OPHN1: variants seen among roughly 807,000 people sequenced by gnomAD.
The protein encoded by OPHN1 is oligophrenin-1.
In OPHN1, 11 loss-of-function variants were observed where a neutral mutation model predicts 60.7. That is an observed-to-expected ratio of 0.18 (90% CI 0.11 to 0.30). OPHN1 has a LOEUF of 0.30. OPHN1 is among the 10% of genes least tolerant of loss of function. The pLI is 1.00. For missense variants in OPHN1, 449 were observed against 611.0 expected, an observed-to-expected ratio of 0.73 and a Z score of 2.80; for synonymous variants, 226 against 222.6, an observed-to-expected ratio of 1.02 and a Z score of -0.14.
At chrX:68,401,352 T>C (rs1329125851) in intron 2 of OPHN1, among the ~76,000 whole-genome samples, 2 of 111,903 alleles carry the variant, frequency 1.8e-5, no homozygotes, top group Non-Finnish European at 3.8e-5. Context: ...GTGGTGGCAT[T>C]TGGCCCGCTC....
intron 21 of OPHN1, among the ~76,000 whole-genome samples, chrX:68,059,354 A>T (rs1253419771): frequency 9.0e-6 from 1 of 110,658 alleles, no homozygotes; most frequent in Non-Finnish European, 1.9e-5. Context: ...TCTATACCCA[A>T]CCTGAAGGCA....
chrX:68,206,467 C>T (rs1468977793), intron 10 of OPHN1, 106 bp downstream of exon 10: 17 of 618,043 alleles, frequency 2.8e-5, no homozygotes, highest in Admixed American at 1.3e-4. Context: ...CATGGCCTCA[C>T]GTAACAGTGA....
At chrX:68,120,167 C>A (rs2077144752) in intron 15 of OPHN1, among the ~76,000 whole-genome samples, 2 of 111,067 alleles carry the variant, frequency 1.8e-5, no homozygotes, top group South Asian at 7.6e-4. Flanking sequence ...AAGACCTCCC[C>A]ACCCATGACA....
At chrX:68,178,695 C>T (rs892344984) in intron 15 of OPHN1, among the ~76,000 whole-genome samples, 9 of 112,117 alleles carry the variant, frequency 8.0e-5, no homozygotes, top group Non-Finnish European at 1.3e-4. Flanking sequence ...TGAGCCACTG[C>T]GCCCAGCCCA....
At chrX:68,301,909 AGATT>A (rs1377414016) in intron 2 of OPHN1, among the ~76,000 whole-genome samples, 1 of 112,558 alleles carries the variant, frequency 8.9e-6, no homozygotes, top group Non-Finnish European at 1.9e-5. Flanking sequence ...AATATGAACA[AGATT>A]GATTAATTAG....
chrX:68,179,686 G>T (rs2077428725), intron 15 of OPHN1, among the ~76,000 whole-genome samples: 2 of 111,824 alleles, frequency 1.8e-5, no homozygotes, highest in African/African-American at 6.5e-5. Context: ...TCCATCCACT[G>T]CTTCCCACTG....
chrX:68,201,949 C>A (rs1273197386), intron 10 of OPHN1, among the ~76,000 whole-genome samples: 2 of 111,942 alleles, frequency 1.8e-5, no homozygotes, highest in Non-Finnish European at 3.8e-5. Flanking sequence ...AGTCATCCAG[C>A]ACTCTTTCCC....
chrX:68,188,556 T>C (rs1217907423), intron 15 of OPHN1, among the ~76,000 whole-genome samples: 2 of 112,118 alleles, frequency 1.8e-5, no homozygotes, highest in African/African-American at 6.5e-5. Flanking sequence ...ATAAAGTATC[T>C]TGATATGTAT....
chrX:68,285,913 G>C (rs774996284), intron 3 of OPHN1, among the ~76,000 whole-genome samples: 3 of 110,496 alleles, frequency 2.7e-5, no homozygotes, highest in African/African-American at 9.9e-5. Flanking sequence ...TATTTTGTGA[G>C]ACACTGTTCT....
chrX:68,072,402 T>C (rs2076938243), intron 20 of OPHN1, among the ~76,000 whole-genome samples: 1 of 111,600 alleles, frequency 9.0e-6, no homozygotes, highest in Admixed American at 9.5e-5. Context: ...CCTTCTAACA[T>C]GTAAAGTTGG....
intron 2 of OPHN1, among the ~76,000 whole-genome samples, chrX:68,384,100 C>T (rs2078612195): frequency 9.0e-6 from 1 of 111,727 alleles, no homozygotes; most frequent in African/African-American, 3.2e-5. Flanking sequence ...ATAAGCATTA[C>T]ATTGCATTTC....
At chrX:68,429,592 C>T (rs181495556) in intron 2 of OPHN1, among the ~76,000 whole-genome samples, 61 of 110,601 alleles carry the variant, frequency 5.5e-4, no homozygotes, top group African/African-American at 1.8e-3. Flanking sequence ...GGCATAGTGG[C>T]GTGTACTTGG....
At chrX:68,262,325 C>G (rs2147567719) in intron 5 of OPHN1, among the ~76,000 whole-genome samples, 1 of 111,995 alleles carries the variant, frequency 8.9e-6, no homozygotes, top group East Asian at 2.8e-4. Flanking sequence ...TTTGTGGACT[C>G]TGTATTACTA....
At chrX:68,428,329 T>C (rs2078869646) in intron 2 of OPHN1, among the ~76,000 whole-genome samples, 1 of 112,161 alleles carries the variant, frequency 8.9e-6, no homozygotes, top group Non-Finnish European at 1.9e-5. Context: ...CAAGTGATAG[T>C]GTTATTAATT....
At chrX:68,287,918 G>A (rs1036020015) in intron 3 of OPHN1, among the ~76,000 whole-genome samples, 3 of 111,866 alleles carry the variant, frequency 2.7e-5, no homozygotes, top group South Asian at 3.7e-4. Context: ...TATTCCCACC[G>A]TGGTAACCTG....
At chrX:68,353,416 A>G (rs1465517188) in intron 2 of OPHN1, among the ~76,000 whole-genome samples, 1 of 103,235 alleles carries the variant, frequency 9.7e-6, no homozygotes, top group South Asian at 4.5e-4. Flanking sequence ...AGGAAAAAAA[A>G]AAAAAAAAAA....
At chrX:68,342,673 G>A (rs894358973) in intron 2 of OPHN1, among the ~76,000 whole-genome samples, 17 of 112,117 alleles carry the variant, frequency 1.5e-4, no homozygotes, top group African/African-American at 5.5e-4. Flanking sequence ...TGGATGTGGT[G>A]GCTCCCATCT....
intron 8 of OPHN1, among the ~76,000 whole-genome samples, chrX:68,211,565 A>C (rs1416745969): frequency 8.9e-6 from 1 of 112,655 alleles, no homozygotes; most frequent in Non-Finnish European, 1.9e-5. Context: ...GGGTTGAATA[A>C]AGGAACATGT....
chrX:68,225,410 G>A (rs766843353), intron 6 of OPHN1, among the ~76,000 whole-genome samples: 175 of 112,143 alleles, frequency 1.6e-3, no homozygotes, highest in African/African-American at 5.2e-3. Context: ...TCTGAGAACG[G>A]ACAGACTGCC....
Sources: allele counts gnomAD v4.1 joint callset (sites outside exome capture counted in the v4.1 genomes callset), GRCh38; gene constraint gnomAD v4.1.1; transcripts MANE v1.5; gene names NCBI Gene and HGNC (gene_info 2026-07-23, HGNC 2026-07-21).